WDR90: variants seen among roughly 807,000 people sequenced by gnomAD.
WDR90 encodes WD repeat domain 90.
In WDR90, 238 loss-of-function variants were observed where a neutral mutation model predicts 195.2. The ratio of observed to expected loss-of-function variants is 1.22; its 90% CI spans 1.10 to 1.36. The LOEUF (loss-of-function observed/expected upper bound fraction) is 1.36, where lower values mean the gene tolerates loss of function less well. Ranked by LOEUF, WDR90 falls within the 40% of genes most tolerant of loss-of-function variation. WDR90 has a pLI of 0.00. For missense variants in WDR90, 2,734 were observed against 2,439.5 expected (o/e 1.12, Z -2.54); for synonymous variants, 1,265 against 1,052.4 (o/e 1.20, Z -3.91).
intron 7 of WDR90, 89 bp downstream of exon 7, chr16:651,355 A>T: frequency 6.9e-7 from 1 of 1,455,682 alleles, no homozygotes; most frequent in Non-Finnish European, 9.5e-7. Context: ...GAAAGGACCC[A>T]GTGGTGTGCT....
At position 655,331 on chromosome 16, in the gene WDR90, T is replaced by C. The variant is rs1204590361; in HGVS notation, c.1581T>C (p.Ser527=). 1 of 1,604,100 alleles carries C rather than the reference T, an allele frequency of 6.2e-7. No homozygotes were observed. The highest frequency in any genetic ancestry group is 1.1e-5 in the South Asian group (1 of 91,038). The change falls in exon 15 of 41, where the codon AGT becomes AGC. Residue 527 remains serine, a synonymous_variant. Coordinates refer to ENST00000293879, the MANE Select transcript of WDR90 (RefSeq NM_145294.5). Reference sequence around the variant, plus strand: ...GGATGGCGTCGTGCGGGCAGGGCAGTGTGCGGCTCTGGCGGCTGCGTGGCG... The same window carrying C: ...GGATGGCGTCGTGCGGGCAGGGCAGCGTGCGGCTCTGGCGGCTGCGTGGCG... ...ETRMASCGQG[S]VRLWRLRGGV... is the part of the protein sequence containing the mutation.
chr16:667,207 T>G lies in WDR90; in HGVS notation c.5089+218T>G, dbSNP rs763185078. ...CCAGCACAGGGCCTGAATGCACGGG[T>G]GGCAGCGACTTTTAAGGAGGGAACT... On this transcript the variant is annotated intron_variant, in intron 40 of 40. Coordinates refer to ENST00000293879, the MANE Select transcript of WDR90 (RefSeq NM_145294.5). Among the ~76,000 whole-genome samples the G allele has an allele frequency of 2.6e-3, 391 of 152,178 alleles. 1 individual carries two copies. Among genetic ancestry groups the G allele is most frequent in the Non-Finnish European group, 3.9e-3 (266 of 67,974 alleles).
In WDR90 at chr16:656,362, C is replaced by G; in HGVS notation, c.2027C>G (p.Ala676Gly). 6.2e-7 allele frequency: 1 copy of G among 1,609,584 alleles called. No individual in the cohort carries two copies. Among genetic ancestry groups the G allele is most frequent in the Non-Finnish European group, 8.5e-7 (1 of 1,179,722 alleles). ...VSPDGLRVLS[A>G]TSSGHLGFLD... ...CCCGATGGCCTCCGTGTGCTGTCTG[C>G]CACCTCCTCGGGCCACCTGGGCTTC... Residue 676 changes from alanine (A) to glycine (G), a missense_variant, in exon 18 of 41, where the codon GCC (alanine) becomes GGC (glycine). Physicochemically the swap from Ala to Gly is moderately conservative, Grantham distance 60 (BLOSUM62 0). Transcript: ENST00000293879.
chr16:664,508 T>C (rs2037983672), intron 34 of WDR90, among the ~76,000 whole-genome samples: 3 of 152,102 alleles, frequency 2.0e-5, no homozygotes, highest in Admixed American at 2.0e-4. Context: ...CTGGTGGCCT[T>C]CCTGTGATGT....
In WDR90 at chr16:666,084, C is replaced by A. The variant is rs1343011672; in HGVS notation, c.4569C>A (p.Pro1523=). 1.2e-6 allele frequency: 2 copies of A among 1,610,122 alleles called. No homozygotes were observed. Among genetic ancestry groups the A allele is most frequent in the Non-Finnish European group, 1.7e-6 (2 of 1,179,770 alleles). ...CGGCCATGGAGCTCAAGATGCACCC[C>A]CACCCGGTGGCGCTGACCACTGTTG... The part of the protein sequence containing the change: ...SRTAMELKMH[P]HPVALTTVAF... Residue 1523 remains proline, a synonymous_variant, in exon 36 of 41, where the codon CCC becomes CCA. Coordinates refer to ENST00000293879, the MANE Select transcript of WDR90 (RefSeq NM_145294.5).
rs183979865 is a variant in WDR90, at chr16:654,014, G to A, written c.1437+211G>A. 2.6e-5 allele frequency: 16 copies of A among 626,170 alleles called. 1 individual carries two copies. In the East Asian group the frequency reaches 2.8e-4, roughly 11 times the overall value. 38.8% of individuals were successfully genotyped at this position (626,170 alleles called of 1,614,324 possible). A position where few individuals can be genotyped will look rare whatever the true frequency, so the allele number is the denominator to read the frequency against. On this transcript the variant is annotated intron_variant, in intron 13 of 40. Coordinates refer to ENST00000293879, the MANE Select transcript of WDR90 (RefSeq NM_145294.5). ...ACCAGCAGCTCACATTTCACGTCTC[G>A]GCTTTTCGGCCATCGGAGTCGGTTT...
At chr16:661,546 G>C (rs113257271) in intron 30 of WDR90, 45 bp downstream of exon 30, 3 of 560,324 alleles carry the variant, frequency 5.4e-6, no homozygotes, top group Non-Finnish European at 6.2e-6. Context: ...CCTAGACCCC[G>C]GGGGGGGCTG....
chr16:656,653 C>T (rs749983763), intron 18 of WDR90, 79 bp from the exon 19 acceptor site: 25 of 1,572,516 alleles, frequency 1.6e-5, no homozygotes, highest in Admixed American at 1.1e-4. Flanking sequence ...TGTGTCGGCC[C>T]CATGGGTTTG....
rs777430078 is a variant in WDR90, at chr16:651,855, C to G, written c.869C>G (p.Pro290Arg). The G allele has an allele frequency of 1.5e-5, 24 of 1,610,354 alleles. No homozygotes were observed. The East Asian group carries it at 5.1e-4, about 34-fold the overall frequency. Residue 290 changes from proline (P) to arginine (R), a missense_variant, in exon 9 of 41, where the codon CCC becomes CGC. Coordinates refer to ENST00000293879, the MANE Select transcript of WDR90 (RefSeq NM_145294.5). ...GGCCGGGCCGCCTTGGCACCCAGGC[C>G]CTTCCCGGAGGTCAGCCTGTCCCAA... ...ASGRAALAPR[P>R]FPEVSLSQER...
At position 662,033 on chromosome 16, in the gene WDR90, C is replaced by T. The variant is rs747681102; in HGVS notation, c.4007C>T (p.Ser1336Phe). 4 of 1,602,438 alleles carry T rather than the reference C, an allele frequency of 2.5e-6. No homozygotes were observed. Among genetic ancestry groups the T allele is most frequent in the Admixed American group, 3.3e-5 (2 of 59,984 alleles). Reference protein sequence around the residue: ...WDTRAGRCFLSWEADDGGIGL... With the variant: ...WDTRAGRCFLFWEADDGGIGL... ...ACGCGTGCCGGCCGCTGCTTCTTGT[C>T]CTGGGAGGCGGATGACGGTGGCATT... is the stretch of plus-strand genomic sequence containing the variant. The change falls in exon 32 of 41, where the codon TCC becomes TTC. Residue 1336 changes from serine (S) to phenylalanine (F), a missense_variant. Coordinates refer to ENST00000293879, the MANE Select transcript of WDR90 (RefSeq NM_145294.5).
intron 13 of WDR90, chr16:654,735 C>T (rs992551060): frequency 1.1e-5 from 5 of 438,652 alleles, no homozygotes; most frequent in East Asian, 4.2e-5. Flanking sequence ...CAGGCATGAG[C>T]CACTGTGCCC....
Position 660,689 on chromosome 16 carries a change from C to T in WDR90, c.3366C>T (p.Ala1122=). 3.2e-6 allele frequency: 5 copies of T among 1,577,626 alleles called. No individual in the cohort carries two copies. Among genetic ancestry groups the T allele is most frequent in the Non-Finnish European group, 4.3e-6 (5 of 1,162,586 alleles). The part of the protein sequence containing the change: ...AVVGYSGNGR[A]NMVWRPDTGF... ...TCGGTTACAGCGGGAATGGGCGGGC[C>T]AACATGGTCTGGAGGCCGGACACAG... Residue 1122 remains alanine (A), a synonymous_variant, in exon 28 of 41, where the codon GCC becomes GCT. Transcript: ENST00000293879.
At chr16:657,623 C>A (rs1393385029) in intron 20 of WDR90, 139 bp from the exon 21 acceptor site, 7 of 1,281,184 alleles carry the variant, frequency 5.5e-6, no homozygotes, top group Non-Finnish European at 7.2e-6. Flanking sequence ...CCTTGGCAAT[C>A]CTCTGCCGGT....
rs1334833228 is a variant in WDR90, at chr16:652,518, G to T, written c.1105G>T (p.Gly369Cys). ...LRLKGVIGFG[G>C]HGTRQALWTP... ...GCTCAAGGGCGTCATCGGCTTTGGG[G>T]GCCACGGCACCAGACAGGTGAGGCT... The change falls in exon 10 of 41, where the codon GGC (glycine) becomes TGC (cysteine). Residue 369 changes from glycine (G) to cysteine (C), a missense_variant. Gly to Cys is a radical substitution (Grantham distance 159). Coordinates refer to ENST00000293879, the MANE Select transcript of WDR90 (RefSeq NM_145294.5). 1 of 1,610,074 alleles carries T rather than the reference G, an allele frequency of 6.2e-7. No homozygotes were observed.
rs1157015020 is a variant in WDR90, at chr16:649,799, T to G, written c.47T>G (p.Phe16Cys). 5.1e-6 allele frequency: 8 copies of G among 1,577,206 alleles called. No homozygotes were observed. The highest frequency in any genetic ancestry group is 6.0e-6 in the Non-Finnish European group (7 of 1,162,106). ...QHPFLNVFRH[F>C]RVDEWKRSAK... Reference sequence around the variant, plus strand: ...CCGTTCCTCAACGTCTTCAGACACTTCCGGGTGGACGAGTGGAAGCGCTCC... The same window carrying G: ...CCGTTCCTCAACGTCTTCAGACACTGCCGGGTGGACGAGTGGAAGCGCTCC... The change falls in exon 2 of 41, where the codon TTC (phenylalanine) becomes TGC (cysteine). Residue 16 changes from phenylalanine (F) to cysteine (C), a missense_variant. Physicochemically the swap from Phe to Cys is radical, Grantham distance 205. Coordinates refer to ENST00000293879, the MANE Select transcript of WDR90 (RefSeq NM_145294.5).
intron 31 of WDR90, 48 bp downstream of exon 31, chr16:661,835 A>T: frequency 6.3e-7 from 1 of 1,588,274 alleles, no homozygotes; most frequent in South Asian, 1.1e-5. Context: ...TGTGGGGTGG[A>T]ATCTGCCTGG....
Position 651,817 on chromosome 16 carries a change from C to T in WDR90, c.841-10C>T, listed in dbSNP as rs765184350. The T allele has an allele frequency of 2.3e-5, 37 of 1,611,010 alleles. No individual in the cohort carries two copies. In the East Asian group the frequency reaches 2.5e-4, roughly 11 times the overall value. On this transcript the variant is annotated splice_polypyrimidine_tract_variant and intron_variant, in intron 8 of 40. Coordinates refer to ENST00000293879, the MANE Select transcript of WDR90 (RefSeq NM_145294.5). ...GCCCAGGACGCTGATGGGCACTTGT[C>T]CCCCAGCAGTCCGGCCGGGCCGCCT...
Position 654,919 on chromosome 16 carries a change from G to T in WDR90, c.1438-110G>T, listed in dbSNP as rs572512748. 2.8e-4 allele frequency: 281 copies of T among 987,564 alleles called. 1 individual carries two copies. The African/African-American group carries it at 4.1e-3, about 14-fold the overall frequency. The allele number at this position is 987,564 out of a possible 1,614,324, so 61.2% of individuals were successfully genotyped here. On this transcript the variant is annotated intron_variant, in intron 13 of 40. Coordinates refer to ENST00000293879, the MANE Select transcript of WDR90 (RefSeq NM_145294.5). ...TCCACGGCCGCACGCTCAGAGGCTGGTCTCCGCATGAGAGAAAAGCCACCT... is the reference window on the plus strand; with the variant it reads ...TCCACGGCCGCACGCTCAGAGGCTGTTCTCCGCATGAGAGAAAAGCCACCT...
chr16:650,169 T>C lies in WDR90; in HGVS notation c.279+2T>C, dbSNP rs1394282583. The C allele has an allele frequency of 5.0e-6, 8 of 1,612,026 alleles. No homozygotes were observed. The highest frequency in any genetic ancestry group is 1.3e-5 in the African/African-American group (1 of 74,900). ...ATCCACCTCGATGTGTCCTCCAAGG[T>C]ACGGAGCCCGCGGCTGGGGGCTGCG... On this transcript the variant is annotated splice_donor_variant, in intron 3 of 40. Coordinates refer to ENST00000293879, the MANE Select transcript of WDR90 (RefSeq NM_145294.5). LOFTEE classifies it high-confidence loss of function.
Sources: allele counts gnomAD v4.1 joint callset (sites outside exome capture counted in the v4.1 genomes callset), GRCh38; gene constraint gnomAD v4.1.1; transcripts MANE v1.5; gene names NCBI Gene and HGNC (gene_info 2026-07-23, HGNC 2026-07-21).